NR6A1: variants seen among roughly 807,000 people sequenced by gnomAD.
The protein encoded by NR6A1 is nuclear receptor subfamily 6 group A member 1.
Under a neutral mutation model 59.1 loss-of-function variants are expected in NR6A1, and 7 were observed. The ratio of observed to expected loss-of-function variants is 0.12; its 90% confidence interval spans 0.07 to 0.22. The LOEUF (loss-of-function observed/expected upper bound fraction) is 0.22, where lower values mean the gene tolerates loss of function less well. Among genes scored for constraint, NR6A1 ranks in the 10% least tolerant of loss-of-function variants. NR6A1 has a pLI of 1.00. For missense variants in NR6A1, 468 were observed against 611.6 expected (o/e 0.77, Z 2.48); for synonymous variants, 243 against 236.1 (o/e 1.03, Z -0.27).
chr9:124,734,806 A>G (rs1564259672), intron 1 of NR6A1, among the ~76,000 whole-genome samples: 1 of 152,228 alleles, frequency 6.6e-6, no homozygotes, highest in Non-Finnish European at 1.5e-5. Flanking sequence ...ATATGGGAGA[A>G]ATGAGATTCA....
intron 2 of NR6A1, among the ~76,000 whole-genome samples, chr9:124,641,583 C>T (rs901598451): frequency 2.6e-5 from 4 of 151,830 alleles, no homozygotes; most frequent in Non-Finnish European, 1.5e-5. Context: ...GCCTGTAGTC[C>T]CAGCTTGGGA....
Position 124,760,870 on chromosome 9 carries a change from T to A in NR6A1, c.100+10150A>T, listed in dbSNP as rs186987563. ...AGTCCCTGCTCTTTGCCTCACACCA[T>A]CTAACCAAAATCCTTCCTCCCTGGA... is the stretch of plus-strand genomic sequence containing the variant. On this transcript the variant is annotated intron_variant, in intron 1 of 9. Coordinates refer to ENST00000487099, the MANE Select transcript of NR6A1 (RefSeq NM_033334.4). 1.5e-3 allele frequency among the ~76,000 whole-genome samples: 227 copies of A among 152,330 alleles called. 1 individual carries two copies. Among genetic ancestry groups the A allele is most frequent in the African/African-American group, 5.3e-3 (220 of 41,566 alleles).
At chr9:124,680,599 T>C (rs1838119629) in intron 2 of NR6A1, among the ~76,000 whole-genome samples, 1 of 152,136 alleles carries the variant, frequency 6.6e-6, no homozygotes, top group Non-Finnish European at 1.5e-5. Flanking sequence ...TTAAATACTA[T>C]GGTAAAGCTC....
intron 2 of NR6A1, among the ~76,000 whole-genome samples, chr9:124,684,797 G>T (rs1175959259): frequency 6.6e-6 from 1 of 152,024 alleles, no homozygotes; most frequent in Admixed American, 6.6e-5. Context: ...TACCATGGAC[G>T]GATTTTAACC....
At chr9:124,597,287 C>T in intron 2 of NR6A1, among the ~76,000 whole-genome samples, 1 of 121,542 alleles carries the variant, frequency 8.2e-6, no homozygotes, top group South Asian at 3.1e-4. Context: ...CCACCCCCCA[C>T]CCCAACCCCA....
intron 2 of NR6A1, among the ~76,000 whole-genome samples, chr9:124,626,058 G>A (rs538312621): frequency 6.6e-6 from 1 of 152,348 alleles, no homozygotes; most frequent in East Asian, 1.9e-4. Flanking sequence ...ACAGGCTGGA[G>A]TGCAGTGGTA....
At chr9:124,754,559 G>T (rs77319321) in intron 1 of NR6A1, among the ~76,000 whole-genome samples, 406 of 152,212 alleles carry the variant, frequency 2.7e-3, no homozygotes, top group Non-Finnish European at 5.0e-3. Flanking sequence ...GCAGGGCATG[G>T]GGGAGAAATG....
intron 2 of NR6A1, among the ~76,000 whole-genome samples, chr9:124,584,968 A>G (rs1203199635): frequency 6.6e-6 from 1 of 152,218 alleles, no homozygotes; most frequent in East Asian, 1.9e-4. Flanking sequence ...TAAAAGTGCT[A>G]CTCCAGTGAA....
chr9:124,633,678 C>G (rs557039684), intron 2 of NR6A1, among the ~76,000 whole-genome samples: 12 of 152,216 alleles, frequency 7.9e-5, no homozygotes, highest in African/African-American at 2.6e-4. Context: ...ATTGTGGAGG[C>G]AAGGTCACTG....
intron 2 of NR6A1, among the ~76,000 whole-genome samples, chr9:124,584,689 C>T (rs962255581): frequency 4.6e-5 from 7 of 152,084 alleles, no homozygotes; most frequent in African/African-American, 1.7e-4. Context: ...CTCCACTGAC[C>T]AGCCATTCCC....
chr9:124,536,087 C>T lies in NR6A1; in HGVS notation c.870G>A (p.Leu290=). The change falls in exon 7 of 10, where the codon CTG becomes CTA. Residue 290 remains leucine (L), a synonymous_variant. Transcript: ENST00000487099. ...TCTGCCTAAAGAGCAGCTCGTCGGC[C>T]AGGCGGCAAAGCAGGGCAAATAGTT... ...QAELFALLCR[L]ADELLFRQIA... The T allele has an allele frequency of 6.2e-7, 1 of 1,614,122 alleles. No individual in the cohort carries two copies.
At chr9:124,681,222 A>G (rs1838145318) in intron 2 of NR6A1, among the ~76,000 whole-genome samples, 1 of 151,920 alleles carries the variant, frequency 6.6e-6, no homozygotes, top group Non-Finnish European at 1.5e-5. Flanking sequence ...TACTAAACAA[A>G]TTGTGGTTAT....
chr9:124,769,075 A>T (rs531703732), intron 1 of NR6A1, among the ~76,000 whole-genome samples: 1 of 152,336 alleles, frequency 6.6e-6, no homozygotes, highest in East Asian at 1.9e-4. Context: ...AGTCAAAGGC[A>T]TTAAAGAAAT....
intron 2 of NR6A1, among the ~76,000 whole-genome samples, chr9:124,647,724 CAAAAA>C (rs35591437): frequency 1.8e-5 from 1 of 56,070 alleles, no homozygotes. Context: ...GAGACCGTCT[CAAAAA>C]AAAAAAAAAA....
At chr9:124,675,432 T>C (rs1837924598) in intron 2 of NR6A1, among the ~76,000 whole-genome samples, 1 of 152,180 alleles carries the variant, frequency 6.6e-6, no homozygotes, top group Non-Finnish European at 1.5e-5. Flanking sequence ...CTGAATACAG[T>C]CAGAGAGCAC....
chr9:124,687,884 C>T (rs74823835), intron 2 of NR6A1, among the ~76,000 whole-genome samples: 5,921 of 152,236 alleles, frequency 0.039, 335 homozygotes, highest in African/African-American at 0.12. Flanking sequence ...TCCCAGCAGA[C>T]GCCTGAAACT....
chr9:124,556,751 A>G (rs1354481344), intron 2 of NR6A1, among the ~76,000 whole-genome samples: 1 of 152,004 alleles, frequency 6.6e-6, no homozygotes, highest in Non-Finnish European at 1.5e-5. Context: ...GTGAGCCACC[A>G]CGCCCGACCT....
chr9:124,591,390 C>T (rs1172022849), intron 2 of NR6A1, among the ~76,000 whole-genome samples: 2 of 152,140 alleles, frequency 1.3e-5, no homozygotes, highest in African/African-American at 4.8e-5. Flanking sequence ...GGCCAAGTGA[C>T]AGAGTCAAGC....
At chr9:124,635,151 C>CTCT (rs1836565257) in intron 2 of NR6A1, among the ~76,000 whole-genome samples, 1 of 152,172 alleles carries the variant, frequency 6.6e-6, no homozygotes, top group Non-Finnish European at 1.5e-5. Flanking sequence ...ATCCTCTGTG[C>CTCT]TCTGACTATC....
Sources: gnomAD v4.1 joint callset for allele counts (sites outside exome capture counted in the v4.1 genomes callset) on GRCh38, gnomAD v4.1.1 for gene constraint, MANE v1.5 for transcripts, NCBI Gene and HGNC (gene_info 2026-07-23, HGNC 2026-07-21) for gene names.